The following NALCN variants were observed in gnomAD, a reference collection of about 807,000 sequenced individuals.
NALCN encodes sodium leak channel, non-selective.
In NALCN, 111 loss-of-function variants were observed where a neutral mutation model predicts 225.3. The observed-to-expected ratio is 0.49, with a 90% CI of 0.42 to 0.58. The LOEUF (loss-of-function observed/expected upper bound fraction) is 0.58, where lower values mean the gene tolerates loss of function less well. NALCN is among the 20% of genes least tolerant of loss of function. The pLI, the probability that NALCN is intolerant of heterozygous loss-of-function variation, is 0.00. For synonymous variants in NALCN, 764 were observed against 769.0 expected, an observed-to-expected ratio of 0.99 and a Z score of 0.11; for missense variants, 1,378 against 2,202.4, an observed-to-expected ratio of 0.63 and a Z score of 7.49.
chr13:101,147,420 T>A lies in NALCN; in HGVS notation c.1840-2524A>T, dbSNP rs552024492. On this transcript the variant is annotated intron_variant, in intron 15 of 43. Coordinates refer to ENST00000251127, the MANE Select transcript of NALCN (RefSeq NM_052867.4). ...CCCAGGCTGGAGTGCAGTGGTGCGA[T>A]CTTGGCTCACCGCAACCTCTGCCTT... 7.3e-5 allele frequency among the ~76,000 whole-genome samples: 11 copies of A among 150,468 alleles called. No individual in the cohort carries two copies. The South Asian group carries it at 2.3e-3, about 32-fold the overall frequency.
intron 17 of NALCN, among the ~76,000 whole-genome samples, chr13:101,140,460 T>A (rs545239772): frequency 6.6e-6 from 1 of 152,340 alleles, no homozygotes; most frequent in Admixed American, 6.5e-5. Context: ...CAGTGATTTT[T>A]AAAAGCATGT....
chr13:101,179,251 T>C (rs1303184259), intron 14 of NALCN, among the ~76,000 whole-genome samples: 1 of 152,194 alleles, frequency 6.6e-6, no homozygotes, highest in Non-Finnish European at 1.5e-5. Flanking sequence ...CAGCCCACAG[T>C]GAGTTTCGGT....
intron 15 of NALCN, among the ~76,000 whole-genome samples, chr13:101,148,581 T>C (rs1005433908): frequency 6.6e-6 from 1 of 152,206 alleles, no homozygotes; most frequent in South Asian, 2.1e-4. Context: ...GACACTATAT[T>C]GTGTGACCCC....
At chr13:101,257,221 T>TTG (rs2042265545) in intron 11 of NALCN, among the ~76,000 whole-genome samples, 1 of 150,806 alleles carries the variant, frequency 6.6e-6, no homozygotes, top group Non-Finnish European at 1.5e-5. Flanking sequence ...TTTTTTTTTT[T>TTG]TTTTTTGCTA....
chr13:101,333,818 T>C (rs2045269156), intron 7 of NALCN, among the ~76,000 whole-genome samples: 1 of 152,322 alleles, frequency 6.6e-6, no homozygotes, highest in Admixed American at 6.5e-5. Context: ...GCAGAGAAAG[T>C]TTCCTTGACT....
At chr13:101,158,581 C>T (rs1029194935) in intron 15 of NALCN, among the ~76,000 whole-genome samples, 4 of 152,198 alleles carry the variant, frequency 2.6e-5, no homozygotes, top group Non-Finnish European at 5.9e-5. Flanking sequence ...TCAGAACTGT[C>T]TATGTCACGC....
At chr13:101,409,778 G>C (rs887740635) in intron 1 of NALCN, among the ~76,000 whole-genome samples, 2 of 152,172 alleles carry the variant, frequency 1.3e-5, no homozygotes, top group Non-Finnish European at 2.9e-5. Flanking sequence ...CCACAAATTT[G>C]CTCAAAAGGG....
intron 7 of NALCN, among the ~76,000 whole-genome samples, chr13:101,328,160 C>T (rs518400): frequency 0.33 from 49,890 of 152,092 alleles, 8,725 homozygotes; most frequent in Non-Finnish European, 0.41. Flanking sequence ...CATAGCGTCT[C>T]AGCTTAGAAA....
intron 13 of NALCN, among the ~76,000 whole-genome samples, chr13:101,217,597 T>C (rs1429431050): frequency 6.6e-6 from 1 of 152,194 alleles, no homozygotes; most frequent in African/African-American, 2.4e-5. Context: ...TACTTACTGA[T>C]GCTTACAGAT....
At chr13:101,164,829 A>G (rs1380096365) in intron 15 of NALCN, among the ~76,000 whole-genome samples, 2 of 152,206 alleles carry the variant, frequency 1.3e-5, no homozygotes, top group East Asian at 1.9e-4. Context: ...CAAATGCTCT[A>G]TAAGCTGATC....
intron 6 of NALCN, among the ~76,000 whole-genome samples, chr13:101,349,959 A>G (rs1479356503): frequency 3.3e-5 from 5 of 152,160 alleles, no homozygotes; most frequent in Non-Finnish European, 2.9e-5. Flanking sequence ...AAGTCTTAGA[A>G]TCATGCTTGA....
chr13:101,316,747 T>G (rs1203766399), intron 7 of NALCN, among the ~76,000 whole-genome samples: 1 of 152,180 alleles, frequency 6.6e-6, no homozygotes, highest in Admixed American at 6.5e-5. Flanking sequence ...ATATGTTCCT[T>G]GCTTTTCAAA....
At chr13:101,218,323 A>G (rs1247847024) in intron 13 of NALCN, among the ~76,000 whole-genome samples, 1 of 152,138 alleles carries the variant, frequency 6.6e-6, no homozygotes, top group Non-Finnish European at 1.5e-5. Flanking sequence ...GCTTAAAACA[A>G]CAGAAATGTA....
At chr13:101,377,634 T>A (rs965390895) in intron 4 of NALCN, among the ~76,000 whole-genome samples, 1 of 152,168 alleles carries the variant, frequency 6.6e-6, no homozygotes. Context: ...GGAAAGCTTA[T>A]CAACAAACAC....
chr13:101,185,190 A>T lies in NALCN; in HGVS notation c.1764+6727T>A, dbSNP rs61974011. ...TGTAATCAGCGCAGTGTAAAATGGG[A>T]TACGTTCAACACAGATGCACTTTTA... On this transcript the variant is annotated intron_variant, in intron 14 of 43. Transcript: ENST00000251127. Among the ~76,000 whole-genome samples, 1,307 of 152,324 alleles carry T rather than the reference A, an allele frequency of 8.6e-3. 15 individuals carry two copies. The highest frequency in any genetic ancestry group is 0.017 in the Admixed American group (261 of 15,296).
At chr13:101,317,981 T>C (rs2044614534) in intron 7 of NALCN, among the ~76,000 whole-genome samples, 1 of 152,190 alleles carries the variant, frequency 6.6e-6, no homozygotes, top group Non-Finnish European at 1.5e-5. Flanking sequence ...CCTTTCTTTG[T>C]GGTTTTGTAG....
At chr13:101,325,318 T>C (rs2139209974) in intron 7 of NALCN, among the ~76,000 whole-genome samples, 1 of 152,300 alleles carries the variant, frequency 6.6e-6, no homozygotes, top group East Asian at 1.9e-4. Context: ...CTTATTAAGT[T>C]TGTTGGCCTA....
chr13:101,104,681 T>C lies in NALCN; in HGVS notation c.2637-31A>G. On this transcript the variant is annotated intron_variant, in intron 23 of 43. Coordinates refer to ENST00000251127, the MANE Select transcript of NALCN (RefSeq NM_052867.4). The surrounding 1 kb of genome is among the most constrained non-coding windows in gnomAD (Gnocchi z 4.2). ...AAAGACCAAACAAAATTGAGAAACA[T>C]AAAGGTTCCAGGAAAGGCTTCTAAG... 6.2e-7 allele frequency: 1 copy of C among 1,612,842 alleles called. No homozygotes were observed. The highest frequency in any genetic ancestry group is 8.5e-7 in the Non-Finnish European group (1 of 1,179,312).
chr13:101,216,868 C>T (rs16958653), intron 13 of NALCN, among the ~76,000 whole-genome samples: 5,917 of 152,082 alleles, frequency 0.039, 372 homozygotes, highest in African/African-American at 0.14. Flanking sequence ...TAAGTGAAAA[C>T]TCAATAGAGC....
Sources: allele counts gnomAD v4.1 joint callset (sites outside exome capture counted in the v4.1 genomes callset), GRCh38; gene constraint gnomAD v4.1.1; non-coding constraint Gnocchi (gnomAD v3.1); transcripts MANE v1.5; gene names NCBI Gene and HGNC (gene_info 2026-07-23, HGNC 2026-07-21).